The following CSMD1 variants were observed in gnomAD, a reference collection of about 807,000 sequenced individuals.
CSMD1 encodes the protein CUB and sushi domain-containing protein 1.
CSMD1 carries 213 observed loss-of-function variants against 417.5 expected under a neutral mutation model. The observed-to-expected ratio is 0.51, with a 90% CI of 0.46 to 0.57. CSMD1 has a LOEUF of 0.57. Ranked by LOEUF, CSMD1 falls within the 20% of genes least tolerant of loss-of-function variation. The pLI, the probability that CSMD1 is intolerant of heterozygous loss-of-function variation, is 0.00. For missense variants in CSMD1, 6,923 were observed against 4,529.7 expected (o/e 1.53, Z -15.17); for synonymous variants, 2,862 against 1,736.8 (o/e 1.65, Z -16.11).
chr8:3,708,328 T>C, intron 7 of CSMD1, 86 bp downstream of exon 7: 1 of 1,044,712 alleles, frequency 9.6e-7, no homozygotes, highest in Non-Finnish European at 1.5e-6. Context: ...GGGAAGGTGG[T>C]GGGTGGGATC....
chr8:4,886,062 A>G (rs982605627), intron 1 of CSMD1, among the ~76,000 whole-genome samples: 1 of 151,962 alleles, frequency 6.6e-6, no homozygotes, highest in Non-Finnish European at 1.5e-5. Flanking sequence ...GCAATCTTGG[A>G]TCACTGCAAC....
At chr8:4,888,426 C>G (rs9918768) in intron 1 of CSMD1, among the ~76,000 whole-genome samples, 1,632 of 151,802 alleles carry the variant, frequency 0.011, 49 homozygotes, top group African/African-American at 0.038. Flanking sequence ...AAAACTGTCA[C>G]ACAACATATG....
At chr8:4,657,764 T>A (rs1239429287) in intron 1 of CSMD1, among the ~76,000 whole-genome samples, 1 of 145,266 alleles carries the variant, frequency 6.9e-6, no homozygotes, top group Non-Finnish European at 1.5e-5. Flanking sequence ...GACATTTGAA[T>A]TAGTAGAAAA....
chr8:4,535,726 C>T (rs973129423), intron 2 of CSMD1, among the ~76,000 whole-genome samples: 17 of 152,126 alleles, frequency 1.1e-4, no homozygotes, highest in African/African-American at 2.2e-4. Flanking sequence ...AGACAATAAT[C>T]TAAATGATCG....
In CSMD1 at chr8:4,464,258, G is replaced by C. The variant is rs371294441; in HGVS notation, c.303-44193C>G. 1.3e-5 allele frequency among the ~76,000 whole-genome samples: 2 copies of C among 151,990 alleles called. 1 individual carries two copies. Among genetic ancestry groups the C allele is most frequent in the Non-Finnish European group, 2.9e-5 (2 of 68,010 alleles). On this transcript the variant is annotated intron_variant, in intron 2 of 69. Transcript: ENST00000635120. ...ATTCCCACATTAACATCTTCCTGCA[G>C]TGATTGTATGAAGCACAGGGCATTA...
rs866715932 is a variant in CSMD1 at position 2,965,942 on chromosome 8, C to A, written c.9113G>T (p.Gly3038Val). Residue 3038 changes from glycine (G) to valine (V), a missense_variant, in exon 59 of 70, where the codon GGG becomes GTG. Physicochemically the swap from Gly to Val is moderately radical, Grantham distance 109 (BLOSUM62 -3). Coordinates refer to ENST00000635120, the MANE Select transcript of CSMD1 (RefSeq NM_033225.6). ...TAPDCTIISC[G>V]DPGTLANGIQ... The stretch of plus-strand genomic sequence containing the variant: ...GCCATTTGCTAGTGTGCCTGGATCC[C>A]CACAACTTATAACTAATAAACAGGG... 2 of 1,604,696 alleles carry A rather than the reference C, an allele frequency of 1.2e-6. No individual in the cohort carries two copies. The highest frequency in any genetic ancestry group is 4.5e-5 in the East Asian group (2 of 44,574).
At chr8:3,092,367 TA>T (rs1488457303) in intron 47 of CSMD1, among the ~76,000 whole-genome samples, 1 of 151,910 alleles carries the variant, frequency 6.6e-6, no homozygotes, top group Admixed American at 6.6e-5. Context: ...ATACAAAAAA[TA>T]AAAAATGCAA....
At chr8:4,723,858 C>A (rs1809237296) in intron 1 of CSMD1, among the ~76,000 whole-genome samples, 1 of 151,344 alleles carries the variant, frequency 6.6e-6, no homozygotes, top group Non-Finnish European at 1.5e-5. Flanking sequence ...TAAGGTGTTC[C>A]CATTGCCTTC....
intron 2 of CSMD1, among the ~76,000 whole-genome samples, chr8:4,561,316 G>A (rs957990831): frequency 6.6e-6 from 1 of 152,178 alleles, no homozygotes; most frequent in African/African-American, 2.4e-5. Context: ...GGAGGTTGCA[G>A]TGAATCGAGA....
intron 22 of CSMD1, 129 bp from the exon 23 acceptor site, chr8:3,343,579 G>T: frequency 3.9e-6 from 3 of 774,776 alleles, no homozygotes; most frequent in Non-Finnish European, 5.9e-6. Context: ...ATAGTTTACA[G>T]AAAGATAAAT....
chr8:4,530,119 T>C (rs1233924601), intron 2 of CSMD1, among the ~76,000 whole-genome samples: 1 of 151,634 alleles, frequency 6.6e-6, no homozygotes, highest in Non-Finnish European at 1.5e-5. Context: ...TTCACCGTGT[T>C]AGCCAGGATG....
At chr8:3,021,312 A>G (rs553024276) in intron 51 of CSMD1, among the ~76,000 whole-genome samples, 21 of 152,362 alleles carry the variant, frequency 1.4e-4, no homozygotes, top group Admixed American at 7.8e-4. Context: ...TAGCTGAATA[A>G]TAGAATTTCA....
At chr8:4,424,166 A>T (rs571445577) in intron 2 of CSMD1, among the ~76,000 whole-genome samples, 1 of 152,144 alleles carries the variant, frequency 6.6e-6, no homozygotes, top group Admixed American at 6.6e-5. Flanking sequence ...CAAAATTACA[A>T]ACCAGAAAAA....
intron 26 of CSMD1, among the ~76,000 whole-genome samples, chr8:3,265,814 G>A (rs907686378): frequency 1.3e-5 from 2 of 152,116 alleles, no homozygotes; most frequent in African/African-American, 4.8e-5. Context: ...CTTCAGACTA[G>A]GGTTTTGCTT....
intron 49 of CSMD1, among the ~76,000 whole-genome samples, chr8:3,060,098 G>T (rs1812492031): frequency 6.6e-6 from 1 of 151,836 alleles, no homozygotes; most frequent in African/African-American, 2.4e-5. Context: ...TTCAAATTGT[G>T]AGATTACATA....
intron 7 of CSMD1, among the ~76,000 whole-genome samples, chr8:3,637,819 G>C (rs1299004468): frequency 6.6e-6 from 1 of 152,122 alleles, no homozygotes; most frequent in Non-Finnish European, 1.5e-5. Context: ...ATTGAATCTT[G>C]GGGGCCAGTA....
At chr8:4,081,582 C>G (rs1461584383) in intron 3 of CSMD1, among the ~76,000 whole-genome samples, 1 of 152,138 alleles carries the variant, frequency 6.6e-6, no homozygotes, top group East Asian at 1.9e-4. Flanking sequence ...ACCCAGAACA[C>G]TATACCCAAC....
chr8:4,527,823 A>G (rs184532665), intron 2 of CSMD1, among the ~76,000 whole-genome samples: 3 of 152,314 alleles, frequency 2.0e-5, no homozygotes, highest in Non-Finnish European at 4.4e-5. Flanking sequence ...AGTTAGAAAG[A>G]TTAAGTTTTC....
intron 12 of CSMD1, among the ~76,000 whole-genome samples, chr8:3,454,305 C>A (rs560558880): frequency 6.6e-6 from 1 of 152,242 alleles, no homozygotes; most frequent in Non-Finnish European, 1.5e-5. Context: ...GCATTTGGCC[C>A]ATTTACATTT....
Sources: gnomAD v4.1 joint callset for allele counts (sites outside exome capture counted in the v4.1 genomes callset) on GRCh38, gnomAD v4.1.1 for gene constraint, MANE v1.5 for transcripts, NCBI Gene and HGNC (gene_info 2026-07-23, HGNC 2026-07-21) for gene names.